Variants in MAN1C1 observed in about 807,000 individuals in gnomAD.
The protein encoded by MAN1C1 is mannosidase alpha class 1C member 1, also known as mannosyl-oligosaccharide 1,2-alpha-mannosidase IC.
A neutral mutation model predicts 71.5 loss-of-function variants in MAN1C1; 49 were observed. The observed-to-expected ratio is 0.69, with a 90% CI of 0.54 to 0.87. The LOEUF (loss-of-function observed/expected upper bound fraction) is 0.87, where lower values mean the gene tolerates loss of function less well. Among genes scored for constraint, MAN1C1 ranks in the 40% least tolerant of loss-of-function variants. The pLI is 0.00. For synonymous variants in MAN1C1, 352 were observed against 343.7 expected, an observed-to-expected ratio of 1.02 and a Z score of -0.27; for missense variants, 743 against 835.0, an observed-to-expected ratio of 0.89 and a Z score of 1.36.
chr1:25,679,994 C>CATAT (rs200399098), intron 1 of MAN1C1, among the ~76,000 whole-genome samples: 1 of 139,292 alleles, frequency 7.2e-6, no homozygotes, highest in Non-Finnish European at 1.5e-5. Context: ...CACACACACA[C>CATAT]ATATATATAT....
rs374412238 is a variant in MAN1C1 at position 25,742,618 on chromosome 1, C to A, written c.638-4050C>A. 2.0e-5 allele frequency among the ~76,000 whole-genome samples: 3 copies of A among 152,354 alleles called. No individual in the cohort carries two copies. The South Asian group carries it at 6.2e-4, about 32-fold the overall frequency. On this transcript the variant is annotated intron_variant, in intron 2 of 11. Coordinates refer to ENST00000374332, the MANE Select transcript of MAN1C1 (RefSeq NM_020379.4). ...ACATGTACTCACTATCATGCCAGCC[C>A]TTGTCCATCAACCTACCCCATTTAA...
intron 1 of MAN1C1, among the ~76,000 whole-genome samples, chr1:25,643,290 T>C (rs1196078775): frequency 6.6e-6 from 1 of 151,792 alleles, no homozygotes; most frequent in Non-Finnish European, 1.5e-5. Flanking sequence ...GTTTCATTCT[T>C]GTCACCCAGG....
intron 1 of MAN1C1, among the ~76,000 whole-genome samples, chr1:25,671,679 G>T (rs2045994475): frequency 6.6e-6 from 1 of 152,168 alleles, no homozygotes; most frequent in Non-Finnish European, 1.5e-5. Context: ...TTATTCATTG[G>T]CATGTACGAA....
intron 2 of MAN1C1, among the ~76,000 whole-genome samples, chr1:25,696,652 C>CT (rs985829861): frequency 1.3e-5 from 2 of 151,954 alleles, no homozygotes; most frequent in South Asian, 2.1e-4. Flanking sequence ...TCTTTTCCTT[C>CT]TTTTTTTAAA....
intron 7 of MAN1C1, among the ~76,000 whole-genome samples, chr1:25,768,219 C>G (rs1414548447): frequency 7.6e-6 from 1 of 131,446 alleles, no homozygotes; most frequent in Non-Finnish European, 1.6e-5. Flanking sequence ...CACACATACA[C>G]ACATTACACA....
chr1:25,689,100 C>G (rs182254579), intron 2 of MAN1C1, among the ~76,000 whole-genome samples: 1 of 152,302 alleles, frequency 6.6e-6, no homozygotes, highest in East Asian at 1.9e-4. Context: ...CTCCTTCACT[C>G]CATATGTAAC....
At chr1:25,625,811 A>G (rs2045285346) in intron 1 of MAN1C1, among the ~76,000 whole-genome samples, 1 of 151,920 alleles carries the variant, frequency 6.6e-6, no homozygotes, top group African/African-American at 2.4e-5. Context: ...ACAGAGGGAG[A>G]CCCTGTCTCA....
At position 25,730,617 on chromosome 1, in the gene MAN1C1, G is replaced by A. The variant is rs541899486; in HGVS notation, c.638-16051G>A. ...GAAGCGGAGAGCTGTCTCCTGGGCC[G>A]TGGCACGTTTGCTGCATTTGTGAAT... On this transcript the variant is annotated intron_variant, in intron 2 of 11. Coordinates refer to ENST00000374332, the MANE Select transcript of MAN1C1 (RefSeq NM_020379.4). The surrounding 1 kb of genome is among the most constrained non-coding windows in gnomAD (Gnocchi z 4.3). Among the ~76,000 whole-genome samples the A allele has an allele frequency of 5.5e-4, 84 of 152,278 alleles. 2 individuals are homozygous for A. Among genetic ancestry groups the A allele is most frequent in the Non-Finnish European group, 6.6e-4 (45 of 68,030 alleles).
chr1:25,653,950 G>A (rs1042259627), intron 1 of MAN1C1, among the ~76,000 whole-genome samples: 10 of 152,152 alleles, frequency 6.6e-5, no homozygotes, highest in Non-Finnish European at 1.2e-4. Context: ...GTGGATAGGG[G>A]CCAGGGAAGC....
chr1:25,711,797 G>A lies in MAN1C1; in HGVS notation c.637+25261G>A, dbSNP rs1358804391. Among the ~76,000 whole-genome samples the A allele has an allele frequency of 6.6e-6, 1 of 152,180 alleles. No homozygotes were observed. Among genetic ancestry groups the A allele is most frequent in the Non-Finnish European group, 1.5e-5 (1 of 68,036 alleles). On this transcript the variant is annotated intron_variant, in intron 2 of 11. Transcript: ENST00000374332. The surrounding 1 kb of genome is among the most constrained non-coding windows in gnomAD (Gnocchi z 4.3). ...CAGTCTTTGCAAGCCGTGCTGTCCT[G>A]TGTGTGAAAGAGGATACTTTCTTTA...
Position 25,683,246 on chromosome 1 carries a change from A to G in MAN1C1, c.541-3194A>G, listed in dbSNP as rs145415116. Among the ~76,000 whole-genome samples, 12 of 151,850 alleles carry G rather than the reference A, an allele frequency of 7.9e-5. No homozygotes were observed. The East Asian group carries it at 2.1e-3, about 27-fold the overall frequency. ...CTCATAGTCCTACCTGTCCATCAGA[A>G]CTCTTGTTCATCTGTCCACGAAGCT... On this transcript the variant is annotated intron_variant, in intron 1 of 11. Transcript: ENST00000374332.
chr1:25,727,020 G>A (rs1032583395), intron 2 of MAN1C1, among the ~76,000 whole-genome samples: 23 of 152,136 alleles, frequency 1.5e-4, no homozygotes, highest in African/African-American at 5.3e-4. Flanking sequence ...GTGCGCCACT[G>A]CATTCCAGCT....
chr1:25,781,355 G>A (rs1487611832), intron 10 of MAN1C1: 4 of 465,160 alleles, frequency 8.6e-6, no homozygotes, highest in African/African-American at 4.0e-5. Flanking sequence ...CCATATCCTT[G>A]GGGCCTGGGA....
intron 1 of MAN1C1, among the ~76,000 whole-genome samples, chr1:25,629,735 T>A (rs1338615607): frequency 6.7e-6 from 1 of 149,014 alleles, no homozygotes; most frequent in Non-Finnish European, 1.5e-5. Context: ...GCCCACTTTT[T>A]AATTGATTTT....
chr1:25,777,911 G>A (rs969893493), intron 8 of MAN1C1, among the ~76,000 whole-genome samples, 194 bp from the exon 9 acceptor site: 2 of 152,174 alleles, frequency 1.3e-5, no homozygotes, highest in African/African-American at 4.8e-5. Context: ...GCCTCCCAGC[G>A]AATAGCAGCC....
chr1:25,672,393 T>C (rs547167235), intron 1 of MAN1C1, among the ~76,000 whole-genome samples: 19 of 152,314 alleles, frequency 1.2e-4, no homozygotes, highest in African/African-American at 4.6e-4. Flanking sequence ...AAAAGAATAC[T>C]TTCCCAGCTA....
intron 1 of MAN1C1, among the ~76,000 whole-genome samples, chr1:25,652,334 G>A (rs904650736): frequency 9.9e-5 from 15 of 152,234 alleles, no homozygotes; most frequent in Non-Finnish European, 5.9e-5. Flanking sequence ...TCCAAGTAAC[G>A]CTGGAACTCT....
At chr1:25,721,110 C>T (rs2046759510) in intron 2 of MAN1C1, among the ~76,000 whole-genome samples, 1 of 152,046 alleles carries the variant, frequency 6.6e-6, no homozygotes. Flanking sequence ...CATCTTTGTT[C>T]TTTTTCAAGG....
At chr1:25,647,439 C>T (rs1175519740) in intron 1 of MAN1C1, among the ~76,000 whole-genome samples, 1 of 152,032 alleles carries the variant, frequency 6.6e-6, no homozygotes, top group Non-Finnish European at 1.5e-5. Flanking sequence ...GAGGTGGGTC[C>T]AAGCCCAGCC....
Sources: allele counts gnomAD v4.1 joint callset (sites outside exome capture counted in the v4.1 genomes callset), GRCh38; gene constraint gnomAD v4.1.1; non-coding constraint Gnocchi (gnomAD v3.1); transcripts MANE v1.5; gene names NCBI Gene and HGNC (gene_info 2026-07-23, HGNC 2026-07-21).